Variants in LRRIQ3 observed in about 807,000 individuals in gnomAD.
The protein encoded by LRRIQ3 is leucine-rich repeat and IQ domain-containing protein 3.
LRRIQ3 carries 75 observed loss-of-function variants against 59.3 expected under a neutral mutation model. The ratio of observed to expected loss-of-function variants is 1.26; its 90% CI spans 1.05 to 1.53. LRRIQ3 has a LOEUF of 1.53. Ranked by LOEUF, LRRIQ3 falls within the 40% of genes most tolerant of loss-of-function variation. The pLI is 0.00. For missense variants in LRRIQ3, 831 were observed against 710.0 expected (o/e 1.17, Z -1.94); for synonymous variants, 250 against 231.3 (o/e 1.08, Z -0.73).
chr1:74,137,770 A>C (rs1054465748), intron 4 of LRRIQ3, among the ~76,000 whole-genome samples: 6 of 152,114 alleles, frequency 3.9e-5, no homozygotes, highest in Non-Finnish European at 5.9e-5. Context: ...GCCATAAAAA[A>C]GGATGAGTTC....
chr1:74,056,430 C>T (rs1021384906), intron 6 of LRRIQ3, among the ~76,000 whole-genome samples: 2 of 151,890 alleles, frequency 1.3e-5, no homozygotes, highest in African/African-American at 4.8e-5. Context: ...GTCAAACTGT[C>T]CCTCCTTGCA....
At chr1:74,093,900 G>A (rs1646420117) in intron 5 of LRRIQ3, among the ~76,000 whole-genome samples, 2 of 152,020 alleles carry the variant, frequency 1.3e-5, no homozygotes, top group African/African-American at 4.8e-5. Context: ...CTAATCCCCT[G>A]AACCCTGTGA....
At chr1:74,110,569 C>T (rs1179335967) in intron 4 of LRRIQ3, among the ~76,000 whole-genome samples, 1 of 151,950 alleles carries the variant, frequency 6.6e-6, no homozygotes, top group Non-Finnish European at 1.5e-5. Context: ...AAATCAGTAA[C>T]ATCCATTCTG....
intron 4 of LRRIQ3, among the ~76,000 whole-genome samples, chr1:74,123,613 T>C (rs1646893321): frequency 6.6e-6 from 1 of 152,110 alleles, no homozygotes; most frequent in Non-Finnish European, 1.5e-5. Context: ...TCCAGCCATG[T>C]TGTTGCAAAT....
In LRRIQ3 at chr1:74,144,212, TC is replaced by T. The variant is rs534018879; in HGVS notation, c.707+11520del. ...CCTAGTCCTGACCTTTGGTCTAATT[TC>T]CTAGATTATAATCAGTGTCCCTTCA... On this transcript the variant is annotated intron_variant, in intron 4 of 7. Transcript: ENST00000354431. Among the ~76,000 whole-genome samples, 572 of 152,016 alleles carry T rather than the reference TC, an allele frequency of 3.8e-3. 5 individuals carry two copies. The highest frequency in any genetic ancestry group is 0.013 in the African/African-American group (543 of 41,526).
At chr1:74,125,476 C>A (rs1646922025) in intron 4 of LRRIQ3, among the ~76,000 whole-genome samples, 1 of 151,778 alleles carries the variant, frequency 6.6e-6, no homozygotes, top group African/African-American at 2.4e-5. Context: ...CAGTCTGAAT[C>A]TAGCTGTAGG....
chr1:74,155,383 C>T (rs1040014651), intron 4 of LRRIQ3, among the ~76,000 whole-genome samples: 6 of 152,074 alleles, frequency 3.9e-5, no homozygotes, highest in Non-Finnish European at 5.9e-5. Context: ...TATAGATTGA[C>T]GTGGTAGCAG....
At chr1:74,146,498 A>G (rs2100648259) in intron 4 of LRRIQ3, among the ~76,000 whole-genome samples, 1 of 152,310 alleles carries the variant, frequency 6.6e-6, no homozygotes, top group East Asian at 1.9e-4. Context: ...GAACTGATCG[A>G]TAAAAATTAA....
chr1:74,182,865 A>C lies in LRRIQ3; in HGVS notation c.250-4T>G, dbSNP rs1650082060. ...TGGTATTTGGTAGACTCTTTATCTG[A>C]AATATTATTAAAAATCTTTTAAATT... On this transcript the variant is annotated splice_polypyrimidine_tract_variant and splice_region_variant and intron_variant, in intron 2 of 7. Transcript: ENST00000354431. 7.2e-7 allele frequency: 1 copy of C among 1,386,950 alleles called. No individual in the cohort carries two copies. Among genetic ancestry groups the C allele is most frequent in the South Asian group, 1.8e-5 (1 of 56,928 alleles). The allele number at this position is 1,386,950 out of a possible 1,614,324, so 85.9% of individuals were successfully genotyped here. A position where few individuals can be genotyped will look rare whatever the true frequency, so the allele number is the denominator to read the frequency against.
At chr1:74,076,339 T>C (rs1438546930) in intron 5 of LRRIQ3, among the ~76,000 whole-genome samples, 1 of 152,166 alleles carries the variant, frequency 6.6e-6, no homozygotes, top group African/African-American at 2.4e-5. Flanking sequence ...TGTGAAGTTC[T>C]TTATGGATAT....
At chr1:74,131,309 G>A (rs1435093010) in intron 4 of LRRIQ3, among the ~76,000 whole-genome samples, 4 of 152,026 alleles carry the variant, frequency 2.6e-5, no homozygotes, top group African/African-American at 9.7e-5. Context: ...AGGAGGAGCT[G>A]GTACCATTCC....
chr1:74,058,317 C>CAT (rs1654599128), intron 6 of LRRIQ3, among the ~76,000 whole-genome samples: 1 of 151,950 alleles, frequency 6.6e-6, no homozygotes, highest in Non-Finnish European at 1.5e-5. Flanking sequence ...ATGGAATAAA[C>CAT]CTTTGTTCAT....
chr1:74,137,320 C>T lies in LRRIQ3; in HGVS notation c.707+18413G>A, dbSNP rs866045236. Among the ~76,000 whole-genome samples, 16 of 151,760 alleles carry T rather than the reference C, an allele frequency of 1.1e-4. No individual in the cohort carries two copies. The South Asian group carries it at 2.1e-3, about 20-fold the overall frequency. ...CACTTCTCAAAAGAAGACATTTATGCGGCCAAAATACATATGAAAAAAAGC... is the reference window on the plus strand; with the variant it reads ...CACTTCTCAAAAGAAGACATTTATGTGGCCAAAATACATATGAAAAAAAGC... On this transcript the variant is annotated intron_variant, in intron 4 of 7. Coordinates refer to ENST00000354431, the MANE Select transcript of LRRIQ3 (RefSeq NM_001105659.2).
intron 4 of LRRIQ3, among the ~76,000 whole-genome samples, chr1:74,130,158 C>T (rs1453928598): frequency 6.6e-6 from 1 of 152,064 alleles, no homozygotes; most frequent in Non-Finnish European, 1.5e-5. Context: ...GCCAGCCCAG[C>T]ACCAGGACTT....
intron 3 of LRRIQ3, among the ~76,000 whole-genome samples, chr1:74,159,767 T>C (rs940008441): frequency 2.6e-5 from 4 of 152,112 alleles, no homozygotes; most frequent in African/African-American, 9.7e-5. Context: ...TCCAATTCCA[T>C]TTATTTACTT....
intron 7 of LRRIQ3, among the ~76,000 whole-genome samples, chr1:74,033,479 A>G (rs1231498750): frequency 6.6e-6 from 1 of 151,952 alleles, no homozygotes; most frequent in Non-Finnish European, 1.5e-5. Flanking sequence ...GTTGAGGAAG[A>G]AAGGAGTTGA....
chr1:74,184,689 C>CCT (rs1197743835), intron 1 of LRRIQ3, among the ~76,000 whole-genome samples: 1 of 152,128 alleles, frequency 6.6e-6, no homozygotes, highest in Non-Finnish European at 1.5e-5. Context: ...CTCATATCTA[C>CCT]TGTATCAGAA....
intron 6 of LRRIQ3, among the ~76,000 whole-genome samples, chr1:74,054,359 T>C (rs1303467455): frequency 2.0e-5 from 3 of 152,100 alleles, no homozygotes; most frequent in South Asian, 2.1e-4. Flanking sequence ...AAAACATCAG[T>C]GGTAGCCAGG....
chr1:74,103,500 GAAT>G (rs919412241), intron 5 of LRRIQ3, among the ~76,000 whole-genome samples: 5 of 151,746 alleles, frequency 3.3e-5, no homozygotes, highest in South Asian at 2.1e-4. Flanking sequence ...CCCAGAAACT[GAAT>G]AATAATAATA....
Sources: gnomAD v4.1 joint callset for allele counts (sites outside exome capture counted in the v4.1 genomes callset) on GRCh38, gnomAD v4.1.1 for gene constraint, MANE v1.5 for transcripts, NCBI Gene and HGNC (gene_info 2026-07-23, HGNC 2026-07-21) for gene names.